Variants in ZCCHC14 observed in about 807,000 individuals in gnomAD.
ZCCHC14 encodes the protein zinc finger CCHC-type containing 14, also known as zinc finger CCHC domain-containing protein 14.
In ZCCHC14, 16 loss-of-function variants were observed where a neutral mutation model predicts 85.0. The ratio of observed to expected loss-of-function variants is 0.19; its 90% CI spans 0.13 to 0.29. ZCCHC14 has a LOEUF of 0.29. ZCCHC14 is among the 10% of genes least tolerant of loss of function. ZCCHC14 has a pLI of 1.00. For missense variants in ZCCHC14, 1,303 were observed against 1,443.5 expected, an observed-to-expected ratio of 0.90 and a Z score of 1.58; for synonymous variants, 775 against 630.7, an observed-to-expected ratio of 1.23 and a Z score of -3.43.
intron 1 of ZCCHC14, among the ~76,000 whole-genome samples, chr16:87,488,890 T>C (rs1211884078): frequency 6.6e-6 from 1 of 152,184 alleles, no homozygotes; most frequent in Non-Finnish European, 1.5e-5. Flanking sequence ...GAAATAAAAA[T>C]TCAAATTGGA....
At chr16:87,442,314 C>A (rs539048879) in intron 2 of ZCCHC14, among the ~76,000 whole-genome samples, 1 of 152,306 alleles carries the variant, frequency 6.6e-6, no homozygotes, top group African/African-American at 2.4e-5. Context: ...GCTGTCAGAA[C>A]CCAACCAGGT....
rs552057763 is a variant in ZCCHC14 at position 87,421,728 on chromosome 16, C to A, written c.841-1012G>T. ...ACCCTCCAGACTCAGGCAGCAGCTGCCTTCACTGGAGAGGCCCTGAGGGTA... is the reference window on the plus strand; with the variant it reads ...ACCCTCCAGACTCAGGCAGCAGCTGACTTCACTGGAGAGGCCCTGAGGGTA... On this transcript the variant is annotated intron_variant, in intron 4 of 12. Transcript: ENST00000671377. Among the ~76,000 whole-genome samples the A allele has an allele frequency of 1.4e-3, 208 of 152,270 alleles. 1 individual carries two copies. Among genetic ancestry groups the A allele is most frequent in the African/African-American group, 4.9e-3 (203 of 41,554 alleles).
rs908040479 is a variant in ZCCHC14 at position 87,491,891 on chromosome 16, G to T, written c.348C>A (p.Ile116=). ...CGTTAAGCTGCAGCCCGTAGTTGTG[G>T]ATGATGGAGTCGATGTGCGTGAGCG... ...YRTLTHIDSI[I]HNYGLQLNEG... is the part of the protein sequence containing the mutation. The change falls in exon 1 of 13, where the codon ATC becomes ATA. Residue 116 remains isoleucine (I), a synonymous_variant. Coordinates refer to ENST00000671377, the MANE Select transcript of ZCCHC14 (RefSeq NM_015144.3). The surrounding 1 kb of genome is among the most constrained non-coding windows in gnomAD (Gnocchi z 5.9). The T allele has an allele frequency of 6.5e-7, 1 of 1,538,924 alleles. No individual in the cohort carries two copies. The highest frequency in any genetic ancestry group is 1.4e-5 in the African/African-American group (1 of 69,354).
At chr16:87,454,704 G>C (rs913983496) in intron 2 of ZCCHC14, among the ~76,000 whole-genome samples, 1 of 152,212 alleles carries the variant, frequency 6.6e-6, no homozygotes, top group Non-Finnish European at 1.5e-5. Flanking sequence ...ATAGTAAATA[G>C]TATGGATAAT....
intron 2 of ZCCHC14, among the ~76,000 whole-genome samples, chr16:87,454,800 T>C (rs1335838716): frequency 6.6e-6 from 1 of 152,238 alleles, no homozygotes; most frequent in African/African-American, 2.4e-5. Context: ...AGAGCACACG[T>C]AGCTGGACCC....
At chr16:87,414,673 C>T in intron 9 of ZCCHC14, 132 bp from the exon 10 acceptor site, 7 of 1,264,410 alleles carry the variant, frequency 5.5e-6, no homozygotes, top group Non-Finnish European at 7.5e-6. Context: ...GGGTCTACTC[C>T]ACACCACAGG....
chr16:87,427,201 C>G (rs1909416674), intron 3 of ZCCHC14, among the ~76,000 whole-genome samples: 1 of 152,228 alleles, frequency 6.6e-6, no homozygotes, highest in African/African-American at 2.4e-5. Flanking sequence ...TGCAGCCACA[C>G]TCATCACCAC....
At chr16:87,488,768 G>C (rs1361730909) in intron 1 of ZCCHC14, among the ~76,000 whole-genome samples, 2 of 152,146 alleles carry the variant, frequency 1.3e-5, no homozygotes, top group Non-Finnish European at 2.9e-5. Flanking sequence ...TGTAGAGACA[G>C]GGTTTTGCTG....
intron 2 of ZCCHC14, among the ~76,000 whole-genome samples, chr16:87,451,920 G>A (rs923856128): frequency 6.6e-6 from 1 of 152,262 alleles, no homozygotes; most frequent in African/African-American, 2.4e-5. Flanking sequence ...AGCCTGGGCA[G>A]TTATTTCACC....
intron 7 of ZCCHC14, 85 bp from the exon 8 acceptor site, chr16:87,417,827 T>C (rs962624015): frequency 1.7e-5 from 24 of 1,435,760 alleles, no homozygotes; most frequent in Non-Finnish European, 2.2e-5. Context: ...TCCAGGCCTT[T>C]CTGTGCCAGC....
rs1908329827 is a variant in ZCCHC14, at chr16:87,409,233, T to C, written c.*1047A>G. On this transcript the variant is annotated 3_prime_UTR_variant, in exon 13 of 13. Transcript: ENST00000671377. ...AAATTCCCAATCTTTTGCTGATAAA[T>C]GACAGGACTGTATCATTGTTGAAAT... 6.6e-6 allele frequency: 1 copy of C among 152,062 alleles called. No homozygotes were observed. Among genetic ancestry groups the C allele is most frequent in the African/African-American group, 2.4e-5 (1 of 41,452 alleles). 9.4% of individuals were successfully genotyped at this position (152,062 alleles called of 1,614,324 possible).
chr16:87,449,338 G>A (rs186816158), intron 2 of ZCCHC14, among the ~76,000 whole-genome samples: 8 of 152,256 alleles, frequency 5.3e-5, no homozygotes, highest in African/African-American at 1.9e-4. Flanking sequence ...ACTCTGAAGA[G>A]AAGTAGAAAG....
At chr16:87,454,807 AC>A (rs1910873365) in intron 2 of ZCCHC14, among the ~76,000 whole-genome samples, 1 of 152,236 alleles carries the variant, frequency 6.6e-6, no homozygotes, top group Non-Finnish European at 1.5e-5. Context: ...ACGTAGCTGG[AC>A]CCATGTGACA....
chr16:87,436,304 A>G (rs1351686019), intron 2 of ZCCHC14, among the ~76,000 whole-genome samples: 2 of 152,286 alleles, frequency 1.3e-5, no homozygotes, highest in African/African-American at 4.8e-5. Flanking sequence ...CAGAATGGCT[A>G]GCCTGGGCAG....
intron 1 of ZCCHC14, among the ~76,000 whole-genome samples, chr16:87,478,493 A>C (rs1414107078): frequency 1.3e-5 from 2 of 152,220 alleles, no homozygotes; most frequent in African/African-American, 4.8e-5. Flanking sequence ...AATCTCCCAG[A>C]GGTGGTGTGC....
At chr16:87,465,857 G>C (rs1911495721) in intron 1 of ZCCHC14, among the ~76,000 whole-genome samples, 2 of 152,216 alleles carry the variant, frequency 1.3e-5, no homozygotes, top group South Asian at 4.1e-4. Flanking sequence ...ACAGAGCCAG[G>C]GTCTCACCAT....
intron 1 of ZCCHC14, among the ~76,000 whole-genome samples, chr16:87,479,403 C>G (rs1382342387): frequency 7.5e-6 from 1 of 134,214 alleles, no homozygotes; most frequent in Non-Finnish European, 1.5e-5. Context: ...GGTGACAACG[C>G]AAGACTACGT....
At chr16:87,422,054 T>C (rs529767893) in intron 4 of ZCCHC14, among the ~76,000 whole-genome samples, 1 of 152,204 alleles carries the variant, frequency 6.6e-6, no homozygotes, top group African/African-American at 2.4e-5. Context: ...CTATGATGGA[T>C]GTACTAAAGG....
chr16:87,456,327 G>C (rs1350578137), intron 2 of ZCCHC14, among the ~76,000 whole-genome samples: 1 of 151,842 alleles, frequency 6.6e-6, no homozygotes, highest in Non-Finnish European at 1.5e-5. Flanking sequence ...TCAGGAGATC[G>C]AGACTATCCT....
Sources: gnomAD v4.1 joint callset for allele counts (sites outside exome capture counted in the v4.1 genomes callset) on GRCh38, gnomAD v4.1.1 for gene constraint, Gnocchi (gnomAD v3.1) non-coding constraint, MANE v1.5 for transcripts, NCBI Gene and HGNC (gene_info 2026-07-23, HGNC 2026-07-21) for gene names.